The following QTMAN variants were observed in gnomAD, a reference collection of about 807,000 sequenced individuals.
QTMAN encodes the protein queuosine-tRNA mannosyltransferase, also known as tRNA-queuosine alpha-mannosyltransferase.
At chr2:144,058,133 A>AACACACACAC in the QTMAN span, among the ~76,000 whole-genome samples, 23 of 97,184 alleles carry the variant, frequency 2.4e-4, no homozygotes, top group Non-Finnish European at 4.2e-4. Context: ...CACCCCGCTA[A>AACACACACAC]ACACACACAC....
At chr2:143,979,571 G>A in the QTMAN span, among the ~76,000 whole-genome samples, 1 of 152,098 alleles carries the variant, frequency 6.6e-6, no homozygotes, top group African/African-American at 2.4e-5. Context: ...TAGGCTTCCA[G>A]ACCTATTTCT....
the QTMAN span, among the ~76,000 whole-genome samples, chr2:143,950,114 T>C: frequency 5.9e-5 from 9 of 151,832 alleles, no homozygotes; most frequent in Non-Finnish European, 1.3e-4. Flanking sequence ...AAATGAATTA[T>C]ATAAATAAGC....
the QTMAN span, among the ~76,000 whole-genome samples, chr2:144,255,265 G>A: frequency 6.6e-6 from 1 of 152,190 alleles, no homozygotes; most frequent in Non-Finnish European, 1.5e-5. Flanking sequence ...TGTGCCATGG[G>A]AGGGGCCTGG....
chr2:144,150,840 A>C, the QTMAN span, among the ~76,000 whole-genome samples: 2 of 152,180 alleles, frequency 1.3e-5, no homozygotes, highest in Non-Finnish European at 1.5e-5. Context: ...ACTATTCCAA[A>C]GAGAGATAGC....
chr2:144,199,390 C>G, the QTMAN span, among the ~76,000 whole-genome samples: 1 of 152,104 alleles, frequency 6.6e-6, no homozygotes, highest in African/African-American at 2.4e-5. Context: ...TCCTGTAGAA[C>G]TGAGTATTCT....
the QTMAN span, chr2:144,145,842 T>C: frequency 1.2e-6 from 1 of 849,108 alleles, no homozygotes; most frequent in Non-Finnish European, 1.9e-6. Flanking sequence ...GAAAAACACA[T>C]CCCCTATAGG....
the QTMAN span, among the ~76,000 whole-genome samples, chr2:144,134,917 A>T: frequency 6.6e-6 from 1 of 152,102 alleles, no homozygotes; most frequent in Admixed American, 6.6e-5. Flanking sequence ...AATGAAAAAA[A>T]TTTTAACTTT....
chr2:144,072,115 A>C, the QTMAN span, among the ~76,000 whole-genome samples: 9 of 152,330 alleles, frequency 5.9e-5, no homozygotes, highest in East Asian at 5.8e-4. Flanking sequence ...ACTCTGGATC[A>C]GAGAGCAAGC....
the QTMAN span, among the ~76,000 whole-genome samples, chr2:144,230,484 GC>G: frequency 3.9e-5 from 6 of 152,056 alleles, no homozygotes; most frequent in South Asian, 1.3e-3. Context: ...ACAAACCTAG[GC>G]CACCATTCAA....
At chr2:144,260,414 A>G in the QTMAN span, among the ~76,000 whole-genome samples, 35 of 152,192 alleles carry the variant, frequency 2.3e-4, no homozygotes, top group African/African-American at 8.4e-4. Context: ...ATTTATGTGT[A>G]GTAGAATTTG....
the QTMAN span, among the ~76,000 whole-genome samples, chr2:143,992,930 C>A: frequency 6.6e-6 from 1 of 151,972 alleles, no homozygotes; most frequent in African/African-American, 2.4e-5. Flanking sequence ...ACCTTGAATT[C>A]CTAACTGGAA....
At chr2:144,107,902 C>T in the QTMAN span, among the ~76,000 whole-genome samples, 7 of 152,094 alleles carry the variant, frequency 4.6e-5, no homozygotes, top group African/African-American at 1.7e-4. Flanking sequence ...AAGTCTTATC[C>T]CCCATGATCA....
the QTMAN span, among the ~76,000 whole-genome samples, chr2:144,155,298 A>G: frequency 3.9e-5 from 6 of 152,296 alleles, no homozygotes; most frequent in South Asian, 2.1e-4. Context: ...ATATCTTGAT[A>G]ATAATTTTTG....
chr2:144,264,428 G>C, the QTMAN span, among the ~76,000 whole-genome samples: 5 of 152,126 alleles, frequency 3.3e-5, no homozygotes, highest in East Asian at 9.6e-4. Context: ...CATATTTTCA[G>C]GGGGCTATTT....
the QTMAN span, among the ~76,000 whole-genome samples, chr2:144,234,497 T>C: frequency 6.6e-6 from 1 of 152,110 alleles, no homozygotes; most frequent in Non-Finnish European, 1.5e-5. Context: ...GCTGGCATAT[T>C]TTACACTAAG....
At chr2:144,108,617 G>A in the QTMAN span, among the ~76,000 whole-genome samples, 1 of 135,316 alleles carries the variant, frequency 7.4e-6, no homozygotes, top group African/African-American at 3.8e-5. Flanking sequence ...CAGCCTGGGC[G>A]ACAGAGCAAG....
chr2:144,270,474 C>T, the QTMAN span, among the ~76,000 whole-genome samples: 1 of 152,224 alleles, frequency 6.6e-6, no homozygotes, highest in East Asian at 1.9e-4. Context: ...ACTTTGCAGC[C>T]ATAAAAAGAA....
At chr2:144,332,889 T>C in the QTMAN span, among the ~76,000 whole-genome samples, 1 of 152,192 alleles carries the variant, frequency 6.6e-6, no homozygotes, top group African/African-American at 2.4e-5. Flanking sequence ...TTCTCTTTCC[T>C]TCTGGAAGGT....
At chr2:144,162,454 T>C in the QTMAN span, among the ~76,000 whole-genome samples, 1 of 152,136 alleles carries the variant, frequency 6.6e-6, no homozygotes, top group Non-Finnish European at 1.5e-5. Context: ...CTTGTACAGA[T>C]GTCAAGCTTG....
Sources: gnomAD v4.1 joint callset for allele counts (sites outside exome capture counted in the v4.1 genomes callset) on GRCh38, gnomAD v4.1.1 for gene constraint, MANE v1.5 for transcripts, NCBI Gene and HGNC (gene_info 2026-07-23, HGNC 2026-07-21) for gene names.